The following SGCZ variants were observed in gnomAD, a reference collection of about 807,000 sequenced individuals.
The protein encoded by SGCZ is zeta-sarcoglycan.
A neutral mutation model predicts 41.3 loss-of-function variants in SGCZ; 40 were observed. The ratio of observed to expected loss-of-function variants is 0.97; its 90% CI spans 0.75 to 1.26. SGCZ has a LOEUF of 1.26. Ranked by LOEUF, SGCZ falls within the 50% of genes most tolerant of loss-of-function variation. The pLI is 0.00. For missense variants in SGCZ, 552 were observed against 369.8 expected (o/e 1.49, Z -4.04); for synonymous variants, 206 against 137.5 (o/e 1.50, Z -3.49).
At chr8:14,670,403 T>C (rs1808065355) in intron 1 of SGCZ, among the ~76,000 whole-genome samples, 1 of 152,192 alleles carries the variant, frequency 6.6e-6, no homozygotes, top group Admixed American at 6.5e-5. Context: ...GCTATCAGTT[T>C]ATCATTAGTC....
chr8:14,663,579 G>C (rs1441183170), intron 1 of SGCZ, among the ~76,000 whole-genome samples: 2 of 151,998 alleles, frequency 1.3e-5, no homozygotes, highest in African/African-American at 4.8e-5. Context: ...TCTAGTTGTG[G>C]TAATAATTCA....
chr8:14,384,215 G>C (rs1246430403), intron 2 of SGCZ, among the ~76,000 whole-genome samples: 1 of 152,018 alleles, frequency 6.6e-6, no homozygotes, highest in African/African-American at 2.4e-5. Flanking sequence ...AACATGCGGT[G>C]TTCGGTTTTT....
At chr8:14,626,798 A>C (rs1011407755) in intron 1 of SGCZ, among the ~76,000 whole-genome samples, 9 of 152,186 alleles carry the variant, frequency 5.9e-5, no homozygotes, top group Non-Finnish European at 1.3e-4. Flanking sequence ...TGATATCTTG[A>C]ATTTACATTT....
In SGCZ at chr8:14,088,126, C is replaced by G. The variant is rs1263557116; in HGVS notation, c.*2317G>C. Among the ~76,000 whole-genome samples, 2 of 149,754 alleles carry G rather than the reference C, an allele frequency of 1.3e-5. No homozygotes were observed. The highest frequency in any genetic ancestry group is 4.9e-5 in the African/African-American group (2 of 40,746). ...ACATATAATTTAAAATTTCATTTTT[C>G]TCTTTTGCCTTTTGTAATTTTGAAA... On this transcript the variant is annotated 3_prime_UTR_variant, in exon 8 of 8. Coordinates refer to ENST00000382080, the MANE Select transcript of SGCZ (RefSeq NM_139167.4).
chr8:14,342,409 C>T (rs113606433), intron 2 of SGCZ, among the ~76,000 whole-genome samples: 45 of 152,068 alleles, frequency 3.0e-4, no homozygotes, highest in African/African-American at 4.3e-4. Context: ...CTCTGCCTCC[C>T]GGGTTCATGC....
At chr8:14,865,303 C>G (rs950031904) in intron 1 of SGCZ, among the ~76,000 whole-genome samples, 36 of 152,076 alleles carry the variant, frequency 2.4e-4, no homozygotes, top group Non-Finnish European at 7.4e-5. Flanking sequence ...GACCATATCC[C>G]TTACTTCATA....
chr8:15,116,178 C>T (rs1309576610), intron 1 of SGCZ, among the ~76,000 whole-genome samples: 1 of 152,106 alleles, frequency 6.6e-6, no homozygotes, highest in South Asian at 2.1e-4. Context: ...ACATCCCATA[C>T]AACTCTTCAT....
intron 4 of SGCZ, among the ~76,000 whole-genome samples, chr8:14,213,459 C>T (rs895454110): frequency 2.6e-5 from 4 of 151,948 alleles, no homozygotes; most frequent in African/African-American, 9.7e-5. Flanking sequence ...TAAAACTATC[C>T]TTCAGGAACT....
chr8:15,113,569 T>C (rs1807153601), intron 1 of SGCZ, among the ~76,000 whole-genome samples: 1 of 152,188 alleles, frequency 6.6e-6, no homozygotes, highest in South Asian at 2.1e-4. Context: ...TTCCCATTAC[T>C]CTTAAAATCA....
intron 1 of SGCZ, among the ~76,000 whole-genome samples, chr8:15,226,832 A>C (rs541573444): frequency 7.9e-6 from 1 of 126,622 alleles, no homozygotes; most frequent in African/African-American, 3.4e-5. Context: ...AACAGAAGGA[A>C]AAAAGCAGAC....
In SGCZ at chr8:15,021,567, A is replaced by G. The variant is rs147999649; in HGVS notation, c.39+216018T>C. On this transcript the variant is annotated intron_variant, in intron 1 of 7. Transcript: ENST00000382080. The stretch of plus-strand genomic sequence containing the variant: ...GATAGAAATTGAGATCTCTCAACCA[A>G]TCTACTGAAACACTGTATGGGGTTA... Among the ~76,000 whole-genome samples, 517 of 152,322 alleles carry G rather than the reference A, an allele frequency of 3.4e-3. 3 individuals carry two copies. Among genetic ancestry groups the G allele is most frequent in the Non-Finnish European group, 5.7e-3 (386 of 68,018 alleles).
chr8:14,451,500 T>C (rs1460022345), intron 2 of SGCZ, among the ~76,000 whole-genome samples: 1 of 152,162 alleles, frequency 6.6e-6, no homozygotes, highest in Non-Finnish European at 1.5e-5. Flanking sequence ...AACCGAATAA[T>C]GATGGCCTGT....
intron 1 of SGCZ, among the ~76,000 whole-genome samples, chr8:15,069,682 T>G (rs1805282332): frequency 6.6e-6 from 1 of 152,232 alleles, no homozygotes; most frequent in African/African-American, 2.4e-5. Flanking sequence ...AAACTTACAG[T>G]CTTCTCCATT....
chr8:14,737,490 C>G (rs995586898), intron 1 of SGCZ, among the ~76,000 whole-genome samples: 8 of 152,104 alleles, frequency 5.3e-5, no homozygotes, highest in Non-Finnish European at 1.2e-4. Flanking sequence ...GTGCTTATGT[C>G]TCAAGCACTG....
intron 1 of SGCZ, among the ~76,000 whole-genome samples, chr8:14,967,226 A>G (rs914006054): frequency 1.3e-5 from 2 of 152,290 alleles, no homozygotes. Flanking sequence ...CTAATTCAGT[A>G]TATCCCTGGT....
rs145786163 is a variant in SGCZ at position 14,533,918 on chromosome 8, CTG to C, written c.234+20812_234+20813del. Among the ~76,000 whole-genome samples, 524 of 151,954 alleles carry C rather than the reference CTG, an allele frequency of 3.4e-3. 6 individuals are homozygous for C. The highest frequency in any genetic ancestry group is 0.011 in the African/African-American group (472 of 41,496). On this transcript the variant is annotated intron_variant, in intron 2 of 7. Transcript: ENST00000382080. ...TCAAAATGAAAGCATGTTGGTAGAG[CTG>C]TGAAAACAAAAATGAGAGCAAGCAT...
At chr8:14,660,571 C>CA (rs71304960) in intron 1 of SGCZ, among the ~76,000 whole-genome samples, 785 of 67,094 alleles carry the variant, frequency 0.012, 10 homozygotes, top group South Asian at 0.024. Context: ...AACTCCATCT[C>CA]AAAAAAAAAA....
intron 3 of SGCZ, chr8:14,308,980 A>G: frequency 1.3e-6 from 1 of 757,374 alleles, no homozygotes; most frequent in Non-Finnish European, 2.2e-6. Flanking sequence ...TGTCTTGAGG[A>G]TGAATTCCAA....
At chr8:14,649,869 G>C (rs1807341616) in intron 1 of SGCZ, among the ~76,000 whole-genome samples, 1 of 151,982 alleles carries the variant, frequency 6.6e-6, no homozygotes, top group Admixed American at 6.6e-5. Flanking sequence ...AGTCCTCATG[G>C]AACCAGTCAG....
Sources: allele counts gnomAD v4.1 joint callset (sites outside exome capture counted in the v4.1 genomes callset), GRCh38; gene constraint gnomAD v4.1.1; transcripts MANE v1.5; gene names NCBI Gene and HGNC (gene_info 2026-07-23, HGNC 2026-07-21).